OR7E24: variants seen among roughly 807,000 people sequenced by gnomAD.
The protein encoded by OR7E24 is olfactory receptor 7E24.
For synonymous variants in OR7E24, 130 were observed against 157.5 expected, an observed-to-expected ratio of 0.83 and a Z score of 1.31; for missense variants, 385 against 410.3, an observed-to-expected ratio of 0.94 and a Z score of 0.53.
upstream of OR7E24, among the ~76,000 whole-genome samples, chr19:9,245,076 C>T (rs545463117): frequency 6.6e-6 from 1 of 151,880 alleles, no homozygotes; most frequent in African/African-American, 2.4e-5. Context: ...AATTAGCGGG[C>T]GGGTGGCCTG....
chr19:9,225,477 GGAAA>G, the OR7E24 span, among the ~76,000 whole-genome samples: 1 of 150,268 alleles, frequency 6.7e-6, no homozygotes, highest in Non-Finnish European at 1.5e-5. Flanking sequence ...AAGGAAGGAA[GGAAA>G]GAAGGAAGGA....
the OR7E24 span, among the ~76,000 whole-genome samples, chr19:9,218,618 G>C: frequency 1.3e-5 from 2 of 152,066 alleles, no homozygotes; most frequent in Non-Finnish European, 2.9e-5. Flanking sequence ...TGATATTTTG[G>C]TGAACATGCA....
At chr19:9,245,957 GAC>G (rs1018433420), upstream of OR7E24, among the ~76,000 whole-genome samples, 94 of 151,184 alleles carry the variant, frequency 6.2e-4, no homozygotes, top group African/African-American at 2.2e-3. Context: ...CTGGAGCCCA[GAC>G]TGTTGCTGGT....
At chr19:9,225,877 G>A in the OR7E24 span, among the ~76,000 whole-genome samples, 1 of 152,202 alleles carries the variant, frequency 6.6e-6, no homozygotes, top group Non-Finnish European at 1.5e-5. Context: ...GCTGAAGGAG[G>A]CTGCTTTATT....
rs1948524219 is a variant in OR7E24 at position 9,251,823 on chromosome 19, C to T, written c.780C>T (p.Gly260=). 6.2e-7 allele frequency: 1 copy of T among 1,613,624 alleles called. No homozygotes were observed. Among genetic ancestry groups the T allele is most frequent in the Non-Finnish European group, 8.5e-7 (1 of 1,179,720 alleles). ...AGTATAAAGCCTTCTCCACCTGTGG[C>T]TCTCACCTGGCAGTTGTTTGCTTAT... The part of the protein sequence containing the change: ...DGKYKAFSTC[G]SHLAVVCLFY... The change falls in exon 1 of 1, where the codon GGC becomes GGT. Residue 260 remains glycine, a synonymous_variant. Transcript: ENST00000456448.
the OR7E24 span, chr19:9,235,554 C>T: frequency 6.4e-7 from 1 of 1,553,606 alleles, no homozygotes; most frequent in East Asian, 2.2e-5. Context: ...TCATCATAAA[C>T]CCCCATCTCT....
Position 9,251,938 on chromosome 19 carries a change from G to A in OR7E24, c.895G>A (p.Val299Ile), listed in dbSNP as rs764306219. The part of the protein sequence containing the change: ...SMVASVMYTV[V>I]TPMLNPFIYS... ...GGTGGCTTCAGTGATGTACACTGTGGTCACCCCCATGCTGAACCCCTTCAT... is the reference window on the plus strand; with the variant it reads ...GGTGGCTTCAGTGATGTACACTGTGATCACCCCCATGCTGAACCCCTTCAT... Residue 299 changes from valine (V) to isoleucine (I), a missense_variant, in exon 1 of 1, where the codon GTC (valine) becomes ATC (isoleucine). Physicochemically the swap from Val to Ile is conservative, Grantham distance 29. Transcript: ENST00000456448. 8.1e-6 allele frequency: 13 copies of A among 1,614,024 alleles called. No individual in the cohort carries two copies. The highest frequency in any genetic ancestry group is 6.7e-5 in the African/African-American group (5 of 74,898).
upstream of OR7E24, among the ~76,000 whole-genome samples, chr19:9,243,346 T>G (rs1450573947): frequency 1.9e-5 from 2 of 107,012 alleles, no homozygotes; most frequent in East Asian, 4.8e-4. Context: ...GCTCTGGCAT[T>G]TTTTTTTTTT....
chr19:9,214,226 T>G, the OR7E24 span: 1 of 1,614,120 alleles, frequency 6.2e-7, no homozygotes, highest in Non-Finnish European at 8.5e-7. Context: ...CACCCAGCAG[T>G]GCCGTGGCCA....
the OR7E24 span, among the ~76,000 whole-genome samples, chr19:9,232,604 T>C: frequency 6.7e-6 from 1 of 148,602 alleles, no homozygotes; most frequent in East Asian, 2.0e-4. Context: ...GTCCAACCAG[T>C]CCTTTGTGCC....
upstream of OR7E24, among the ~76,000 whole-genome samples, chr19:9,242,570 T>G (rs1163079025): frequency 6.6e-6 from 1 of 152,128 alleles, no homozygotes; most frequent in Non-Finnish European, 1.5e-5. Context: ...TTCTTTGACA[T>G]GTCTTTTCTC....
the OR7E24 span, among the ~76,000 whole-genome samples, chr19:9,227,749 CTTTTTTTTTTTT>C: frequency 6.5e-5 from 7 of 107,920 alleles, no homozygotes; most frequent in Non-Finnish European, 1.3e-4. Context: ...AATGGTATTT[CTTTTTTTTTTTT>C]TTTTTTTTTT....
chr19:9,215,627 A>C, the OR7E24 span, among the ~76,000 whole-genome samples: 2 of 152,160 alleles, frequency 1.3e-5, no homozygotes, highest in Non-Finnish European at 2.9e-5. Flanking sequence ...TTCCTTCCTT[A>C]AAATTAAATT....
chr19:9,229,802 A>ACTT, the OR7E24 span, among the ~76,000 whole-genome samples: 8 of 152,136 alleles, frequency 5.3e-5, no homozygotes, highest in African/African-American at 1.9e-4. Context: ...GGCAATGGAA[A>ACTT]CTTCGAACTG....
chr19:9,252,231 C>G lies in OR7E24; in HGVS notation c.*168C>G. On this transcript the variant is annotated 3_prime_UTR_variant, in exon 1 of 1. Transcript: ENST00000456448. ...GAGTATTCTGGTATCCTTTGTTCATCATACACATCATGAATGATTCCAATA... is the reference window on the plus strand; with the variant it reads ...GAGTATTCTGGTATCCTTTGTTCATGATACACATCATGAATGATTCCAATA... 1 of 589,388 alleles carries G rather than the reference C, an allele frequency of 1.7e-6. No homozygotes were observed. Among genetic ancestry groups the G allele is most frequent in the Non-Finnish European group, 3.0e-6 (1 of 335,392 alleles). The allele number at this position is 589,388 out of a possible 1,614,324, so 36.5% of individuals were successfully genotyped here.
At chr19:9,248,806 A>G (rs995274078), upstream of OR7E24, among the ~76,000 whole-genome samples, 1 of 152,210 alleles carries the variant, frequency 6.6e-6, no homozygotes, top group South Asian at 2.1e-4. Context: ...CTTCAGATGC[A>G]CCTGTGCTTA....
the OR7E24 span, among the ~76,000 whole-genome samples, chr19:9,232,255 T>TATG: frequency 6.6e-6 from 1 of 151,928 alleles, no homozygotes; most frequent in South Asian, 2.1e-4. Flanking sequence ...AAGCAGGCTA[T>TATG]ATGGCCGGGC....
the OR7E24 span, among the ~76,000 whole-genome samples, chr19:9,222,084 C>T: frequency 1.3e-5 from 2 of 152,164 alleles, no homozygotes; most frequent in African/African-American, 4.8e-5. Flanking sequence ...TGTCCTTTCC[C>T]CCTTGTGAGT....
At chr19:9,239,373 C>T in the OR7E24 span, among the ~76,000 whole-genome samples, 1 of 152,028 alleles carries the variant, frequency 6.6e-6, no homozygotes, top group Non-Finnish European at 1.5e-5. Context: ...GGGGCTTCAC[C>T]GTGTTAGCCA....
Sources: gnomAD v4.1 joint callset for allele counts (sites outside exome capture counted in the v4.1 genomes callset) on GRCh38, gnomAD v4.1.1 for gene constraint, MANE v1.5 for transcripts, NCBI Gene and HGNC (gene_info 2026-07-23, HGNC 2026-07-21) for gene names.